BID: variants seen among roughly 807,000 people sequenced by gnomAD.
BID encodes BH3-interacting domain death agonist.
A neutral mutation model predicts 17.4 loss-of-function variants in BID; 19 were observed. The observed-to-expected ratio is 1.09, with a 90% CI of 0.76 to 1.60. BID has a LOEUF of 1.60. Ranked by LOEUF, BID falls within the 40% of genes most tolerant of loss-of-function variation. BID has a pLI of 0.00. For synonymous variants in BID, 108 were observed against 102.8 expected, an observed-to-expected ratio of 1.05 and a Z score of -0.31; for missense variants, 226 against 256.0, an observed-to-expected ratio of 0.88 and a Z score of 0.80.
At position 17,738,022 on chromosome 22, in the gene BID, T is replaced by C; in HGVS notation, c.571A>G (p.Arg191Gly). 1 of 1,614,134 alleles carries C rather than the reference T, an allele frequency of 6.2e-7. No homozygotes were observed. The highest frequency in any genetic ancestry group is 8.5e-7 in the Non-Finnish European group (1 of 1,179,972). Residue 191 changes from arginine (R) to glycine (G), a missense_variant, in exon 5 of 6, where the codon AGA becomes GGA. By Grantham distance (125) the Arg-to-Gly change is moderately radical. Coordinates refer to ENST00000622694, the MANE Select transcript of BID (RefSeq NM_001196.4). ...CTGACCTCAAGGGTTCTTACATTTC[T>C]GGCTAAGCTCCTCACGTAGGTGCGT... ...NLRTYVRSLARNGMD is the reference protein window; with the variant it reads ...NLRTYVRSLAGNGMD
chr22:17,742,047 C>G (rs77410977), intron 3 of BID, among the ~76,000 whole-genome samples: 1 of 152,216 alleles, frequency 6.6e-6, no homozygotes, highest in Non-Finnish European at 1.5e-5. Flanking sequence ...GGCCACCAGC[C>G]GAGTAGCAAC....
At chr22:17,740,095 C>T (rs1206871721) in intron 3 of BID, 1 of 1,609,870 alleles carries the variant, frequency 6.2e-7, no homozygotes, top group African/African-American at 1.4e-5. Context: ...TGTCGCAGCT[C>T]CATGAAGGCC....
At position 17,750,105 on chromosome 22, in the gene BID, C is replaced by T. The variant is rs1454959682; in HGVS notation, c.12G>A (p.Glu4=). Residue 4 remains glutamate (E), a splice_region_variant and synonymous_variant, in exon 2 of 6, where the codon GAG becomes GAA. Coordinates refer to ENST00000622694, the MANE Select transcript of BID (RefSeq NM_001196.4). ...ACCCGCAGGGGATCTGGCCTCTGAC[C>T]TCACAGTCCATGGCCTGGGCAGCGC... MDC[E]VNNGSSLRDE... 2.5e-6 allele frequency: 4 copies of T among 1,613,034 alleles called. No individual in the cohort carries two copies. The highest frequency in any genetic ancestry group is 3.4e-6 in the Non-Finnish European group (4 of 1,179,848).
At chr22:17,757,665 C>T (rs1207391501) in intron 1 of BID, among the ~76,000 whole-genome samples, 1 of 149,806 alleles carries the variant, frequency 6.7e-6, no homozygotes, top group Admixed American at 6.7e-5. Flanking sequence ...GCCAAGATAG[C>T]GCCACTGTAC....
intron 2 of BID, 109 bp from the exon 3 acceptor site, chr22:17,744,122 G>C (rs1383699041): frequency 3.5e-5 from 35 of 1,005,508 alleles, no homozygotes; most frequent in Non-Finnish European, 4.8e-5. Flanking sequence ...GTCCCAGAGA[G>C]CTGAGGGACC....
chr22:17,751,461 G>A (rs1195142107), intron 1 of BID, among the ~76,000 whole-genome samples: 1 of 152,054 alleles, frequency 6.6e-6, no homozygotes, highest in East Asian at 1.9e-4. Flanking sequence ...ATTTGCCTGT[G>A]TGTGTGTGTG....
intron 1 of BID, among the ~76,000 whole-genome samples, chr22:17,765,559 A>G (rs192201923): frequency 1.3e-5 from 2 of 152,240 alleles, no homozygotes; most frequent in Non-Finnish European, 2.9e-5. Flanking sequence ...ACACAAACTT[A>G]TATTTTTCAT....
chr22:17,737,731 C>T (rs896262862), intron 5 of BID, among the ~76,000 whole-genome samples: 6 of 152,210 alleles, frequency 3.9e-5, no homozygotes, highest in Admixed American at 3.3e-4. Context: ...TCTGTACCTG[C>T]TTGTGCCTTG....
intron 1 of BID, among the ~76,000 whole-genome samples, chr22:17,772,052 C>G (rs1039832343): frequency 4.6e-5 from 7 of 152,216 alleles, no homozygotes; most frequent in Non-Finnish European, 1.0e-4. Flanking sequence ...TGACCTTGGA[C>G]AAGTTACTTA....
intron 2 of BID, among the ~76,000 whole-genome samples, chr22:17,749,388 T>C (rs1159141741): frequency 6.6e-6 from 1 of 152,162 alleles, no homozygotes; most frequent in Non-Finnish European, 1.5e-5. Flanking sequence ...GTTGCCCAGG[T>C]TTGTCTCAAT....
chr22:17,739,418 G>GT lies in BID; in HGVS notation c.293dup (p.Asp98GlufsTer3). ...TCACCAGGCCCGGAGGGATGCTACG[G>GT]TCCATGCTGTCCCCGACCTGGGCGA... On this transcript the variant is annotated frameshift_variant, in exon 4 of 6. Coordinates refer to ENST00000622694, the MANE Select transcript of BID (RefSeq NM_001196.4). LOFTEE classifies it high-confidence loss of function. 1.2e-6 allele frequency: 2 copies of GT among 1,612,060 alleles called. No individual in the cohort carries two copies. Among genetic ancestry groups the GT allele is most frequent in the Admixed American group, 1.7e-5 (1 of 60,026 alleles).
chr22:17,754,588 C>T (rs537603902), intron 1 of BID, among the ~76,000 whole-genome samples: 26 of 152,372 alleles, frequency 1.7e-4, no homozygotes, highest in Admixed American at 1.3e-3. Flanking sequence ...CAGATAGAGG[C>T]ATGGGTCACA....
At chr22:17,748,185 G>C in intron 2 of BID, among the ~76,000 whole-genome samples, 1 of 148,626 alleles carries the variant, frequency 6.7e-6, no homozygotes. Context: ...CTCCAGCCTG[G>C]GCGACAGAGC....
At position 17,774,466 on chromosome 22, in the gene BID, C is replaced by A. The variant is rs778478069; in HGVS notation, c.-144G>T. 2.1e-5 allele frequency: 6 copies of A among 288,238 alleles called. No individual in the cohort carries two copies. Among genetic ancestry groups the A allele is most frequent in the Non-Finnish European group, 4.4e-5 (6 of 135,856 alleles). 17.9% of individuals were successfully genotyped at this position (288,238 alleles called of 1,614,324 possible). Reference sequence around the variant, plus strand: ...GGACACGGTCGACTACCCGCTTCCTCCTTATGGCGCCCCGCGCGCTTCCTC... The same window carrying A: ...GGACACGGTCGACTACCCGCTTCCTACTTATGGCGCCCCGCGCGCTTCCTC... On this transcript the variant is annotated 5_prime_UTR_variant, in exon 1 of 6. Coordinates refer to ENST00000622694, the MANE Select transcript of BID (RefSeq NM_001196.4).
intron 2 of BID, among the ~76,000 whole-genome samples, chr22:17,745,988 AAAATAAAT>A (rs58945027): frequency 1.3e-5 from 2 of 151,982 alleles, no homozygotes; most frequent in African/African-American, 4.8e-5. Context: ...ACAAACAACA[AAAATAAAT>A]AAATAAATAA....
At chr22:17,759,772 C>T (rs911572314) in intron 1 of BID, among the ~76,000 whole-genome samples, 2 of 151,982 alleles carry the variant, frequency 1.3e-5, no homozygotes, top group Admixed American at 1.3e-4. Flanking sequence ...TCTTACTGAA[C>T]CTATGCAAAT....
chr22:17,765,828 A>G (rs2061674163), intron 1 of BID, among the ~76,000 whole-genome samples: 1 of 152,262 alleles, frequency 6.6e-6, no homozygotes, highest in Non-Finnish European at 1.5e-5. Context: ...TTAAAGTATA[A>G]TAATAAAAAG....
chr22:17,766,572 C>T (rs1013170684), intron 1 of BID, among the ~76,000 whole-genome samples: 8 of 145,728 alleles, frequency 5.5e-5, no homozygotes, highest in Non-Finnish European at 7.5e-5. Context: ...TGAGCCACTT[C>T]GCGCCCAGCC....
rs557841393 is a variant in BID at position 17,743,729 on chromosome 22, C to T, written c.223+74G>A. 136 of 1,478,946 alleles carry T rather than the reference C, an allele frequency of 9.2e-5. No homozygotes were observed. The African/African-American group carries it at 1.7e-3, about 18-fold the overall frequency. The allele number at this position is 1,478,946 out of a possible 1,614,324, so 91.6% of individuals were successfully genotyped here. A position where few individuals can be genotyped will look rare whatever the true frequency, so the allele number is the denominator to read the frequency against. ...GAGTGATCCCGGGGGTCCCTTCCAGCCCTGAGGCTCCCTGAATGTTACTGG... is the reference window on the plus strand; with the variant it reads ...GAGTGATCCCGGGGGTCCCTTCCAGTCCTGAGGCTCCCTGAATGTTACTGG... On this transcript the variant is annotated intron_variant, in intron 3 of 5. Coordinates refer to ENST00000622694, the MANE Select transcript of BID (RefSeq NM_001196.4).
Sources: allele counts gnomAD v4.1 joint callset (sites outside exome capture counted in the v4.1 genomes callset), GRCh38; gene constraint gnomAD v4.1.1; transcripts MANE v1.5; gene names NCBI Gene and HGNC (gene_info 2026-07-23, HGNC 2026-07-21).